Variants in PLCB1 observed in about 807,000 individuals in gnomAD.
The protein encoded by PLCB1 is phospholipase C beta 1.
A neutral mutation model predicts 161.8 loss-of-function variants in PLCB1; 46 were observed. That is an observed-to-expected ratio of 0.28 (90% confidence interval 0.22 to 0.36). The LOEUF (loss-of-function observed/expected upper bound fraction) is 0.36, where lower values mean the gene tolerates loss of function less well. Among genes scored for constraint, PLCB1 ranks in the 10% least tolerant of loss-of-function variants. PLCB1 has a pLI of 1.00. For missense variants in PLCB1, 1,016 were observed against 1,472.5 expected (o/e 0.69, Z 5.07); for synonymous variants, 517 against 503.7 (o/e 1.03, Z -0.35).
chr20:8,673,547 G>T (rs1481930829), intron 9 of PLCB1, among the ~76,000 whole-genome samples: 2 of 152,168 alleles, frequency 1.3e-5, no homozygotes, highest in East Asian at 3.8e-4. Context: ...GGACTTCAGG[G>T]TACCGTTAGT....
intron 2 of PLCB1, among the ~76,000 whole-genome samples, chr20:8,360,864 ATGCAAACCT>A (rs1986516151): frequency 6.6e-6 from 1 of 152,220 alleles, no homozygotes; most frequent in East Asian, 1.9e-4. Context: ...GGTCATCAAA[ATGCAAACCT>A]TTGGCAGAAA....
At chr20:8,463,813 T>G (rs1981695198) in intron 3 of PLCB1, among the ~76,000 whole-genome samples, 1 of 152,168 alleles carries the variant, frequency 6.6e-6, no homozygotes, top group Non-Finnish European at 1.5e-5. Context: ...GGTATTTAAT[T>G]ACACCTTCCT....
chr20:8,640,199 T>A (rs1036477778), intron 4 of PLCB1, among the ~76,000 whole-genome samples: 3 of 152,258 alleles, frequency 2.0e-5, no homozygotes, highest in Non-Finnish European at 2.9e-5. Flanking sequence ...AATGAGGAAC[T>A]ACCTGTGCCT....
chr20:8,653,124 C>T (rs190852045), intron 7 of PLCB1: 13 of 152,150 alleles, frequency 8.5e-5, no homozygotes, highest in Admixed American at 2.0e-4. Flanking sequence ...CACTGGCATA[C>T]GGAGTTGCAT....
intron 2 of PLCB1, among the ~76,000 whole-genome samples, chr20:8,351,375 C>T (rs1986171437): frequency 6.6e-6 from 1 of 151,736 alleles, no homozygotes; most frequent in Admixed American, 6.6e-5. Flanking sequence ...AAAATGCAAA[C>T]CAATTAAACT....
At chr20:8,169,668 C>A (rs2051713165) in intron 2 of PLCB1, among the ~76,000 whole-genome samples, 1 of 152,092 alleles carries the variant, frequency 6.6e-6, no homozygotes, top group Non-Finnish European at 1.5e-5. Context: ...GCAGATAAAT[C>A]CCTGATTGGA....
chr20:8,860,851 A>T (rs372447678), intron 31 of PLCB1, among the ~76,000 whole-genome samples: 1 of 152,224 alleles, frequency 6.6e-6, no homozygotes, highest in African/African-American at 2.4e-5. Context: ...GAAACTAAGT[A>T]ATTTCAATCA....
At chr20:8,408,401 G>T (rs998856115) in intron 3 of PLCB1, among the ~76,000 whole-genome samples, 4 of 151,458 alleles carry the variant, frequency 2.6e-5, no homozygotes, top group African/African-American at 9.7e-5. Context: ...CACTCCAGCA[G>T]CCTGGGCAAG....
intron 3 of PLCB1, among the ~76,000 whole-genome samples, chr20:8,578,131 C>T (rs1421458729): frequency 2.0e-5 from 3 of 152,146 alleles, no homozygotes; most frequent in African/African-American, 7.2e-5. Context: ...TGCTTAATAC[C>T]TTATTAAGAA....
intron 3 of PLCB1, among the ~76,000 whole-genome samples, chr20:8,529,812 A>G (rs1014345060): frequency 2.0e-5 from 3 of 152,208 alleles, no homozygotes; most frequent in East Asian, 1.9e-4. Flanking sequence ...CAATGTTGCT[A>G]TGAATATTCT....
chr20:8,425,817 G>C (rs1221254311), intron 3 of PLCB1, among the ~76,000 whole-genome samples: 1 of 151,860 alleles, frequency 6.6e-6, no homozygotes, highest in African/African-American at 2.4e-5. Context: ...TGTATTTCTG[G>C]ATTTTCCTTT....
At chr20:8,390,738 C>T (rs1352102110) in intron 3 of PLCB1, among the ~76,000 whole-genome samples, 1 of 152,060 alleles carries the variant, frequency 6.6e-6, no homozygotes, top group Non-Finnish European at 1.5e-5. Flanking sequence ...CTGCATGCCC[C>T]AGGGCACCCA....
rs139773598 is a variant in PLCB1 at position 8,463,032 on chromosome 20, C to T, written c.246+91582C>T. Among the ~76,000 whole-genome samples the T allele has an allele frequency of 1.1e-3, 174 of 152,002 alleles. 1 individual carries two copies. In the Middle Eastern group the frequency reaches 0.031, roughly 27 times the overall value. Reference sequence around the variant, plus strand: ...CCAGTTTGTTCATTTATTTCTTATACGCTCTAAGAGGCAACTCAGTATGTT... The same window carrying T: ...CCAGTTTGTTCATTTATTTCTTATATGCTCTAAGAGGCAACTCAGTATGTT... On this transcript the variant is annotated intron_variant, in intron 3 of 31. Coordinates refer to ENST00000338037, the MANE Select transcript of PLCB1 (RefSeq NM_015192.4).
chr20:8,424,466 A>G (rs1394944167), intron 3 of PLCB1, among the ~76,000 whole-genome samples: 2 of 152,034 alleles, frequency 1.3e-5, no homozygotes, highest in East Asian at 3.9e-4. Flanking sequence ...TCATTTGGCA[A>G]TTCCCTCACC....
At chr20:8,791,759 C>T (rs1383358548) in intron 31 of PLCB1, among the ~76,000 whole-genome samples, 1 of 151,880 alleles carries the variant, frequency 6.6e-6, no homozygotes, top group East Asian at 1.9e-4. Context: ...TATCAGTAAC[C>T]CATACAAAGA....
At position 8,147,701 on chromosome 20, in the gene PLCB1, C is replaced by T. The variant is rs1382598683; in HGVS notation, c.100-2593C>T. 9.2e-5 allele frequency among the ~76,000 whole-genome samples: 14 copies of T among 151,992 alleles called. No homozygotes were observed. In the South Asian group the frequency reaches 2.7e-3, roughly 29 times the overall value. On this transcript the variant is annotated intron_variant, in intron 1 of 31. Transcript: ENST00000338037. ...ATTATGAAGGAAGCGGGCAGGGAGC[C>T]GAGATAAATGATCACTTAACAGAGG...
intron 31 of PLCB1, among the ~76,000 whole-genome samples, chr20:8,866,450 A>ATCCATCTGTC (rs1185861444): frequency 6.6e-6 from 1 of 152,334 alleles, no homozygotes; most frequent in African/African-American, 2.4e-5. Flanking sequence ...AGACAGACAG[A>ATCCATCTGTC]TGGAATACAT....
intron 1 of PLCB1, among the ~76,000 whole-genome samples, chr20:8,138,025 C>T (rs2051366179): frequency 6.6e-6 from 1 of 152,160 alleles, no homozygotes; most frequent in South Asian, 2.1e-4. Context: ...CCTGAAGGAG[C>T]AAACAGTTCA....
intron 3 of PLCB1, among the ~76,000 whole-genome samples, chr20:8,495,541 G>T (rs1340348580): frequency 6.8e-6 from 1 of 147,774 alleles, no homozygotes. Context: ...GGGACTACAG[G>T]CGCCCGCCAC....
Sources: gnomAD v4.1 joint callset for allele counts (sites outside exome capture counted in the v4.1 genomes callset) on GRCh38, gnomAD v4.1.1 for gene constraint, MANE v1.5 for transcripts, NCBI Gene and HGNC (gene_info 2026-07-23, HGNC 2026-07-21) for gene names.